HEMK2: variants seen among roughly 807,000 people sequenced by gnomAD.
HEMK2 encodes the protein methyltransferase HEMK2.
the HEMK2 span, among the ~76,000 whole-genome samples, chr21:28,591,662 G>C: frequency 4.4e-4 from 67 of 152,172 alleles, no homozygotes; most frequent in Non-Finnish European, 8.7e-4. Context: ...ACTAAGCCTA[G>C]TACCCAATAA....
the HEMK2 span, among the ~76,000 whole-genome samples, chr21:28,855,997 A>C: frequency 6.8e-6 from 1 of 146,716 alleles, no homozygotes; most frequent in African/African-American, 2.5e-5. Flanking sequence ...AAGACAAAAA[A>C]TAATATGTTT....
At chr21:28,799,472 A>G in the HEMK2 span, among the ~76,000 whole-genome samples, 2 of 152,276 alleles carry the variant, frequency 1.3e-5, no homozygotes, top group South Asian at 2.1e-4. Flanking sequence ...GACACAGCCA[A>G]ACCCTATCAG....
chr21:28,638,633 C>G, the HEMK2 span, among the ~76,000 whole-genome samples: 27 of 152,150 alleles, frequency 1.8e-4, no homozygotes, highest in African/African-American at 5.6e-4. Flanking sequence ...GCTCATGATC[C>G]TGAGGGCAGT....
At chr21:28,847,546 ATATTTTCTC>A in the HEMK2 span, among the ~76,000 whole-genome samples, 1 of 152,166 alleles carries the variant, frequency 6.6e-6, no homozygotes, top group South Asian at 2.1e-4. Flanking sequence ...TAGTTTGCAA[ATATTTTCTC>A]CTATTCAGTA....
the HEMK2 span, among the ~76,000 whole-genome samples, chr21:28,829,466 T>C: frequency 6.6e-6 from 1 of 152,182 alleles, no homozygotes; most frequent in South Asian, 2.1e-4. Flanking sequence ...CATCCTCTTT[T>C]TGCCCTCTGA....
chr21:28,610,974 G>A, the HEMK2 span, among the ~76,000 whole-genome samples: 1 of 152,218 alleles, frequency 6.6e-6, no homozygotes, highest in Admixed American at 6.5e-5. Flanking sequence ...TCCACTGACA[G>A]CACTAGACAG....
chr21:28,669,196 C>G, the HEMK2 span, among the ~76,000 whole-genome samples: 1 of 151,850 alleles, frequency 6.6e-6, no homozygotes, highest in African/African-American at 2.4e-5. Flanking sequence ...CTGTCTTTAC[C>G]AAAAATACAA....
the HEMK2 span, among the ~76,000 whole-genome samples, chr21:28,737,991 A>ACAG: frequency 6.6e-6 from 1 of 152,202 alleles, no homozygotes; most frequent in Non-Finnish European, 1.5e-5. Flanking sequence ...CTGTGTTTTC[A>ACAG]TTTGTTTGGA....
chr21:28,579,445 T>A, the HEMK2 span, among the ~76,000 whole-genome samples: 3 of 152,214 alleles, frequency 2.0e-5, no homozygotes, highest in Non-Finnish European at 4.4e-5. Context: ...TGTTTGTATT[T>A]TCATGAGAGT....
chr21:28,713,388 C>T, the HEMK2 span, among the ~76,000 whole-genome samples: 1 of 152,180 alleles, frequency 6.6e-6, no homozygotes, highest in Admixed American at 6.5e-5. Flanking sequence ...GTTCCCACTG[C>T]ACTTAGGATA....
At chr21:28,877,937 G>C in the HEMK2 span, among the ~76,000 whole-genome samples, 1,102 of 152,226 alleles carry the variant, frequency 7.2e-3, 10 homozygotes, top group African/African-American at 0.025. Context: ...AAACATTAGA[G>C]ATTTTTATAC....
At chr21:28,772,872 T>C in the HEMK2 span, among the ~76,000 whole-genome samples, 1 of 148,818 alleles carries the variant, frequency 6.7e-6, no homozygotes, top group African/African-American at 2.5e-5. Flanking sequence ...ATTAAAGTAA[T>C]TAAAGTACCT....
At chr21:28,790,029 T>C in the HEMK2 span, among the ~76,000 whole-genome samples, 3 of 152,248 alleles carry the variant, frequency 2.0e-5, no homozygotes, top group Non-Finnish European at 4.4e-5. Flanking sequence ...GTTAACTAAC[T>C]ACATTTTTAA....
chr21:28,663,165 C>T, the HEMK2 span, among the ~76,000 whole-genome samples: 19 of 152,174 alleles, frequency 1.2e-4, 1 homozygote, highest in South Asian at 2.9e-3. Context: ...TTGATAAAGA[C>T]GCTGGAAGAA....
the HEMK2 span, among the ~76,000 whole-genome samples, chr21:28,688,224 T>C: frequency 0.56 from 84,614 of 152,092 alleles, 26,207 homozygotes; most frequent in East Asian, 0.84. Flanking sequence ...TGCCCATTCA[T>C]TGAGAGTACA....
the HEMK2 span, among the ~76,000 whole-genome samples, chr21:28,580,784 G>T: frequency 6.6e-6 from 1 of 152,068 alleles, no homozygotes; most frequent in African/African-American, 2.4e-5. Context: ...TGCCCTTTCT[G>T]CTGTGTGCAT....
chr21:28,857,250 G>A, the HEMK2 span, among the ~76,000 whole-genome samples: 4 of 151,528 alleles, frequency 2.6e-5, no homozygotes, highest in African/African-American at 4.9e-5. Context: ...TAATTTTATT[G>A]AATTTGATTA....
the HEMK2 span, among the ~76,000 whole-genome samples, chr21:28,841,104 T>TAC: frequency 6.6e-5 from 2 of 30,188 alleles, no homozygotes; most frequent in African/African-American, 4.1e-4. Context: ...TTATATATTA[T>TAC]ATAATAAATA....
the HEMK2 span, among the ~76,000 whole-genome samples, chr21:28,690,426 G>A: frequency 1.3e-4 from 20 of 152,316 alleles, no homozygotes; most frequent in East Asian, 3.9e-3. Flanking sequence ...TGTGATTCTA[G>A]CCTTATGAGA....
Sources: gnomAD v4.1 joint callset for allele counts (sites outside exome capture counted in the v4.1 genomes callset) on GRCh38, gnomAD v4.1.1 for gene constraint, MANE v1.5 for transcripts, NCBI Gene and HGNC (gene_info 2026-07-23, HGNC 2026-07-21) for gene names.